CDK12: variants seen among roughly 807,000 people sequenced by gnomAD.
The protein encoded by CDK12 is cyclin-dependent kinase 12.
Under a neutral mutation model 133.8 loss-of-function variants are expected in CDK12, and 17 were observed. The ratio of observed to expected loss-of-function variants is 0.13; its 90% CI spans 0.09 to 0.19. The LOEUF (loss-of-function observed/expected upper bound fraction) is 0.19, where lower values mean the gene tolerates loss of function less well. CDK12 is among the 10% of genes least tolerant of loss of function. The pLI is 1.00. For synonymous variants in CDK12, 694 were observed against 683.6 expected (o/e 1.02, Z -0.24); for missense variants, 1,508 against 1,818.7 (o/e 0.83, Z 3.11).
intron 10 of CDK12, among the ~76,000 whole-genome samples, chr17:39,519,694 A>AT (rs2146567156): frequency 6.6e-6 from 1 of 150,592 alleles, no homozygotes; most frequent in South Asian, 2.1e-4. Context: ...GGCTCAAGTG[A>AT]TTTTCCAATG....
intron 2 of CDK12, among the ~76,000 whole-genome samples, chr17:39,489,866 C>T (rs2051446012): frequency 6.9e-6 from 1 of 144,266 alleles, no homozygotes; most frequent in Non-Finnish European, 1.5e-5. Context: ...TCTCAAACTC[C>T]TGGCCTCAAG....
At chr17:39,524,561 C>T in intron 11 of CDK12, 113 bp from the exon 12 acceptor site, 11 of 921,046 alleles carry the variant, frequency 1.2e-5, no homozygotes, top group Admixed American at 2.6e-5. Flanking sequence ...TTTTGTTTTC[C>T]TTATTCTTTA....
upstream of CDK12, chr17:39,543,908 A>G (rs561057653): frequency 5.0e-6 from 1 of 198,986 alleles, no homozygotes; most frequent in South Asian, 9.9e-5. Context: ...TATTAGCCTT[A>G]TATTAACCAT....
At chr17:39,567,457 T>C (rs1207018342), downstream of CDK12, 1 of 152,260 alleles carries the variant, frequency 6.6e-6, no homozygotes, top group Non-Finnish European at 1.5e-5. Context: ...CATTTCTATC[T>C]GTGTTCACCA....
At position 39,490,682 on chromosome 17, in the gene CDK12, C is replaced by T. The variant is rs2051521786; in HGVS notation, c.2057C>T (p.Pro686Leu). Residue 686 changes from proline to leucine, a missense_variant, in exon 3 of 14, where the codon CCA becomes CTA. Pro to Leu is a moderately conservative substitution (Grantham distance 98). Around this residue, in one of 9 missense-constraint regions of CDK12, gnomAD observed 347 missense variants for 330.8 expected, o/e 1.05. Coordinates refer to ENST00000447079, the MANE Select transcript of CDK12 (RefSeq NM_016507.4). The stretch of plus-strand genomic sequence containing the variant: ...GGAGATCTGTCTCCCCCAGACTCTC[C>T]AGAACCAAAGGCAATCACACCACCT... ...PGGDLSPPDS[P>L]EPKAITPPQQ... 1 of 1,613,710 alleles carries T rather than the reference C, an allele frequency of 6.2e-7. No individual in the cohort carries two copies. Among genetic ancestry groups the T allele is most frequent in the African/African-American group, 1.3e-5 (1 of 74,974 alleles).
intron 2 of CDK12, among the ~76,000 whole-genome samples, chr17:39,488,414 T>C (rs1478400617): frequency 1.3e-5 from 2 of 152,090 alleles, no homozygotes; most frequent in East Asian, 3.9e-4. Flanking sequence ...AGTTTGATGA[T>C]TGTCTATTTT....
In CDK12 at chr17:39,464,686, C is replaced by T. The variant is rs189893025; in HGVS notation, c.1046+1569C>T. The stretch of plus-strand genomic sequence containing the variant: ...TTTTATTATAAAAAATTTTCCAGCA[C>T]AGAAAGGTTGTAGTGAACACCCATA... On this transcript the variant is annotated intron_variant, in intron 1 of 13. Transcript: ENST00000447079. Among the ~76,000 whole-genome samples, 741 of 151,798 alleles carry T rather than the reference C, an allele frequency of 4.9e-3. 20 individuals carry two copies. The highest frequency in any genetic ancestry group is 0.04 in the Admixed American group (607 of 15,196).
At chr17:39,512,950 T>C (rs1462854636) in intron 8 of CDK12, among the ~76,000 whole-genome samples, 1 of 152,208 alleles carries the variant, frequency 6.6e-6, no homozygotes, top group African/African-American at 2.4e-5. Context: ...CTTATTCTTG[T>C]TCAAACTGTC....
At chr17:39,478,047 A>C (rs985390259) in intron 2 of CDK12, among the ~76,000 whole-genome samples, 11 of 134,228 alleles carry the variant, frequency 8.2e-5, no homozygotes, top group African/African-American at 1.1e-4. Context: ...TTTTTTAGCC[A>C]TCTCCTCCTC....
intron 2 of CDK12, among the ~76,000 whole-genome samples, chr17:39,478,361 T>G (rs528526717): frequency 1.1e-4 from 16 of 152,028 alleles, no homozygotes; most frequent in African/African-American, 3.9e-4. Context: ...CCGGATAATT[T>G]TTTTGTATTT....
chr17:39,557,136 T>G (rs1319773394), intron 3 of CDK12: 2 of 152,166 alleles, frequency 1.3e-5, no homozygotes, highest in Non-Finnish European at 2.9e-5. Context: ...GAGAGGTAGC[T>G]GTAGAGATGT....
chr17:39,553,551 G>T (rs1368446848), intron 2 of CDK12, among the ~76,000 whole-genome samples: 1 of 152,220 alleles, frequency 6.6e-6, no homozygotes, highest in African/African-American at 2.4e-5. Context: ...ATCCTGCTCT[G>T]CTGTGCAGGC....
At chr17:39,552,384 G>A (rs1204176743) in intron 2 of CDK12, among the ~76,000 whole-genome samples, 1 of 152,212 alleles carries the variant, frequency 6.6e-6, no homozygotes, top group African/African-American at 2.4e-5. Flanking sequence ...ACTGAGACCT[G>A]TAGTCCCACC....
Position 39,530,895 on chromosome 17 carries a change from T to G in CDK12, c.4052T>G (p.Ile1351Ser), listed in dbSNP as rs1226061741. 1.2e-6 allele frequency: 2 copies of G among 1,614,038 alleles called. No individual in the cohort carries two copies. Among genetic ancestry groups the G allele is most frequent in the Non-Finnish European group, 1.7e-6 (2 of 1,179,900 alleles). The change falls in exon 14 of 14, where the codon ATT (isoleucine) becomes AGT (serine). Residue 1351 changes from isoleucine (I) to serine (S), a missense_variant. Transcript: ENST00000447079. ...TDGPETGFSA[I>S]DTDERNSGPA... is the part of the protein sequence containing the mutation. ...GGGCCTGAAACAGGGTTCAGTGCCATTGACACTGATGAACGAAACTCTGGT... is the reference window on the plus strand; with the variant it reads ...GGGCCTGAAACAGGGTTCAGTGCCAGTGACACTGATGAACGAAACTCTGGT...
rs925239156 is a variant in CDK12 at position 39,532,043 on chromosome 17, G to T, written c.*727G>T. ...TGTAGAACGTGGCATTCTTGGGCAA[G>T]TAGGTAGACTTTACCCAGTCTCTTT... On this transcript the variant is annotated 3_prime_UTR_variant, in exon 14 of 14. Coordinates refer to ENST00000447079, the MANE Select transcript of CDK12 (RefSeq NM_016507.4). 4 of 232,834 alleles carry T rather than the reference G, an allele frequency of 1.7e-5. No homozygotes were observed. Among genetic ancestry groups the T allele is most frequent in the African/African-American group, 8.9e-5 (4 of 45,036 alleles). 14.4% of individuals were successfully genotyped at this position (232,834 alleles called of 1,614,324 possible). A position where few individuals can be genotyped will look rare whatever the true frequency, so the allele number is the denominator to read the frequency against.
At position 39,462,441 on chromosome 17, in the gene CDK12, A is replaced by G. The variant is rs377586655; in HGVS notation, c.370A>G (p.Lys124Glu). 7.4e-6 allele frequency: 12 copies of G among 1,614,022 alleles called. No individual in the cohort carries two copies. The highest frequency in any genetic ancestry group is 2.7e-5 in the African/African-American group (2 of 74,924). The stretch of plus-strand genomic sequence containing the variant: ...GCACAGGCGTTCCCGGGACTTACTA[A>G]AAGCTAAACAGACCGAAAAAGAAAA... ...HQHRRSRDLL[K>E]AKQTEKEKSQ... is the part of the protein sequence containing the mutation. Residue 124 changes from lysine to glutamate, a missense_variant, in exon 1 of 14, where the codon AAA becomes GAA. By Grantham distance (56) the Lys-to-Glu change is moderately conservative. Coordinates refer to ENST00000447079, the MANE Select transcript of CDK12 (RefSeq NM_016507.4).
At chr17:39,552,324 A>G (rs2055988080) in intron 2 of CDK12, among the ~76,000 whole-genome samples, 1 of 152,182 alleles carries the variant, frequency 6.6e-6, no homozygotes, top group African/African-American at 2.4e-5. Flanking sequence ...TTGTTGGGAG[A>G]GCAGATAAAA....
chr17:39,479,557 G>T (rs1262247647), intron 2 of CDK12, among the ~76,000 whole-genome samples: 1 of 152,086 alleles, frequency 6.6e-6, no homozygotes, highest in African/African-American at 2.4e-5. Context: ...TGTAAAAGAA[G>T]TCAGTGTGCA....
intron 3 of CDK12, 81 bp downstream of exon 3, chr17:39,490,814 C>T: frequency 3.0e-6 from 3 of 1,014,208 alleles, no homozygotes; most frequent in Non-Finnish European, 4.3e-6. Flanking sequence ...TCTTCTATAA[C>T]CCACACCAGT....
Sources: gnomAD v4.1 joint callset for allele counts (sites outside exome capture counted in the v4.1 genomes callset) on GRCh38, gnomAD v4.1.1 for gene constraint, gnomAD v4.1.1 regional missense constraint, MANE v1.5 for transcripts, NCBI Gene and HGNC (gene_info 2026-07-23, HGNC 2026-07-21) for gene names.